The following OXR1 variants were observed in gnomAD, a reference collection of about 807,000 sequenced individuals.
The protein encoded by OXR1 is oxidation resistance 1, also known as oxidation resistance protein 1.
In OXR1, 41 loss-of-function variants were observed where a neutral mutation model predicts 104.6. The observed-to-expected ratio is 0.39, with a 90% CI of 0.31 to 0.51. OXR1 has a LOEUF of 0.51. Ranked by LOEUF, OXR1 falls within the 20% of genes least tolerant of loss-of-function variation. The pLI is 0.77. For missense variants in OXR1, 955 were observed against 1,031.9 expected (o/e 0.93, Z 1.02); for synonymous variants, 348 against 348.4 (o/e 1.00, Z 0.01).
chr8:106,505,591 G>A (rs867285162), intron 2 of OXR1, among the ~76,000 whole-genome samples: 3 of 152,150 alleles, frequency 2.0e-5, no homozygotes, highest in Admixed American at 6.5e-5. Context: ...GAAGGAGGAT[G>A]AGAGACAACC....
intron 5 of OXR1, among the ~76,000 whole-genome samples, chr8:106,683,550 A>G (rs1395383879): frequency 2.0e-5 from 3 of 152,120 alleles, no homozygotes; most frequent in Non-Finnish European, 4.4e-5. Context: ...GAGCTTTTTA[A>G]AATATTCAGA....
intron 2 of OXR1, among the ~76,000 whole-genome samples, chr8:106,468,511 T>C (rs1246136154): frequency 6.6e-6 from 1 of 151,674 alleles, no homozygotes; most frequent in African/African-American, 2.4e-5. Flanking sequence ...GCTGGGTATG[T>C]TTGAAGGAGA....
intron 2 of OXR1, among the ~76,000 whole-genome samples, chr8:106,486,574 G>T (rs1440701826): frequency 6.6e-6 from 1 of 151,808 alleles, no homozygotes; most frequent in Non-Finnish European, 1.5e-5. Flanking sequence ...CAATTCCTTT[G>T]TCTTTTTTGC....
At chr8:106,275,132 A>G (rs955991621) in intron 1 of OXR1, among the ~76,000 whole-genome samples, 12 of 152,342 alleles carry the variant, frequency 7.9e-5, no homozygotes, top group African/African-American at 2.9e-4. Flanking sequence ...AAAAGACTTC[A>G]GAACATAATT....
chr8:106,431,485 A>C (rs1819357630), intron 2 of OXR1, among the ~76,000 whole-genome samples: 2 of 152,188 alleles, frequency 1.3e-5, no homozygotes, highest in Non-Finnish European at 2.9e-5. Context: ...AAAACGAATG[A>C]GTTATATTTC....
chr8:106,352,780 G>A (rs1301744807), intron 1 of OXR1, among the ~76,000 whole-genome samples: 2 of 152,140 alleles, frequency 1.3e-5, no homozygotes, highest in Non-Finnish European at 1.5e-5. Flanking sequence ...AAGCCAAGTA[G>A]ATAGATAGAT....
chr8:106,679,158 A>G (rs1046677232), intron 3 of OXR1, 52 bp from the exon 4 acceptor site: 6 of 1,109,354 alleles, frequency 5.4e-6, no homozygotes, highest in Non-Finnish European at 8.3e-6. Context: ...AGTCCTTGAC[A>G]TTACTCTGAA....
chr8:106,448,360 T>C (rs1012221262), intron 2 of OXR1, among the ~76,000 whole-genome samples: 1 of 152,212 alleles, frequency 6.6e-6, no homozygotes, highest in African/African-American at 2.4e-5. Context: ...AATGCTGTTT[T>C]TCCTAATTTC....
At chr8:106,313,884 AGAG>A (rs1251522376) in intron 1 of OXR1, among the ~76,000 whole-genome samples, 2 of 152,216 alleles carry the variant, frequency 1.3e-5, no homozygotes, top group Non-Finnish European at 2.9e-5. Flanking sequence ...TGAAAACTGA[AGAG>A]GAGATCAATC....
chr8:106,341,600 T>C (rs1045800137), intron 1 of OXR1, among the ~76,000 whole-genome samples: 5 of 152,164 alleles, frequency 3.3e-5, no homozygotes, highest in Admixed American at 6.5e-5. Context: ...CTGTTCACCA[T>C]CTGCTACTGC....
intron 1 of OXR1, among the ~76,000 whole-genome samples, chr8:106,284,726 C>CACTT (rs1375595386): frequency 4.6e-5 from 7 of 152,104 alleles, no homozygotes; most frequent in African/African-American, 1.7e-4. Flanking sequence ...AATTCTAAAC[C>CACTT]ACTTGCCTTT....
At chr8:106,331,553 G>A (rs374651576) in intron 1 of OXR1, among the ~76,000 whole-genome samples, 2 of 151,962 alleles carry the variant, frequency 1.3e-5, no homozygotes, top group East Asian at 3.9e-4. Flanking sequence ...TATTTGTATT[G>A]AACTACAAAA....
At chr8:106,406,784 A>G (rs1281707581) in intron 2 of OXR1, among the ~76,000 whole-genome samples, 1 of 152,216 alleles carries the variant, frequency 6.6e-6, no homozygotes, top group African/African-American at 2.4e-5. Flanking sequence ...ACCTGTCATT[A>G]TACATGTGTC....
At chr8:106,561,286 G>T (rs766002194) in intron 3 of OXR1, among the ~76,000 whole-genome samples, 1 of 151,794 alleles carries the variant, frequency 6.6e-6, no homozygotes, top group African/African-American at 2.4e-5. Flanking sequence ...GGAGCTTGGT[G>T]GGGGGAGGGG....
At chr8:106,621,894 T>C (rs1481387516) in intron 3 of OXR1, among the ~76,000 whole-genome samples, 1 of 152,208 alleles carries the variant, frequency 6.6e-6, no homozygotes, top group Non-Finnish European at 1.5e-5. Context: ...TTTAGTCATA[T>C]ACTGGGGTTT....
At chr8:106,581,317 C>A in intron 3 of OXR1, 2 of 1,069,648 alleles carry the variant, frequency 1.9e-6, no homozygotes, top group Non-Finnish European at 1.3e-6. Flanking sequence ...AAATGTCAAC[C>A]ACTTGTTGAG....
At chr8:106,674,179 G>T (rs1487110015) in intron 3 of OXR1, among the ~76,000 whole-genome samples, 1 of 152,228 alleles carries the variant, frequency 6.6e-6, no homozygotes, top group Non-Finnish European at 1.5e-5. Context: ...GCAGCTGGGA[G>T]AGGGGCTGTA....
intron 1 of OXR1, among the ~76,000 whole-genome samples, chr8:106,312,620 G>A (rs757085800): frequency 6.6e-6 from 1 of 152,162 alleles, no homozygotes; most frequent in Non-Finnish European, 1.5e-5. Flanking sequence ...CACTTATTAA[G>A]TTACTCTCAG....
chr8:106,549,835 A>G (rs538936710), intron 3 of OXR1, among the ~76,000 whole-genome samples: 1 of 152,296 alleles, frequency 6.6e-6, no homozygotes, highest in East Asian at 1.9e-4. Context: ...TTACCTTCAT[A>G]TACCATCACT....
Sources: gnomAD v4.1 joint callset for allele counts (sites outside exome capture counted in the v4.1 genomes callset) on GRCh38, gnomAD v4.1.1 for gene constraint, MANE v1.5 for transcripts, NCBI Gene and HGNC (gene_info 2026-07-23, HGNC 2026-07-21) for gene names.